Variants in OR9G1 observed in about 807,000 individuals in gnomAD.
OR9G1 encodes olfactory receptor family 9 subfamily G member 1.
A neutral mutation model predicts 14.5 loss-of-function variants in OR9G1; 21 were observed. The observed-to-expected ratio is 1.45, with a 90% confidence interval of 1.03 to 2.09. OR9G1 has a LOEUF of 2.09. Ranked by LOEUF, OR9G1 falls within the 30% of genes most tolerant of loss-of-function variation. The pLI is 0.00. For missense variants in OR9G1, 476 were observed against 364.2 expected, an observed-to-expected ratio of 1.31 and a Z score of -2.50; for synonymous variants, 179 against 153.3, an observed-to-expected ratio of 1.17 and a Z score of -1.24.
At chr11:56,699,218 A>T (rs1380620725) in intron 1 of OR9G1, 28 bp downstream of exon 1, 1 of 152,794 alleles carries the variant, frequency 6.5e-6, no homozygotes, top group Non-Finnish European at 1.5e-5. Context: ...CCAAGTAAAG[A>T]TTTTCCAGCA....
chr11:56,700,885 C>T lies in OR9G1; in HGVS notation c.498C>T (p.Asn166=), dbSNP rs779909168. 5.0e-6 allele frequency: 8 copies of T among 1,614,126 alleles called. No homozygotes were observed. The African/African-American group carries it at 6.7e-5, about 13-fold the overall frequency. ...TCACCAAGAAAACGTTTTCCTTTAA[C>T]TTCTGCCGTGAAAACATCATTGATG... is the stretch of plus-strand genomic sequence containing the variant. ...SIITKKTFSF[N]FCRENIIDDF... is the part of the protein sequence containing the mutation. Residue 166 remains asparagine (N), a synonymous_variant, in exon 2 of 2, where the codon AAC becomes AAT. Transcript: ENST00000642097.
In OR9G1 at chr11:56,702,412, A is replaced by G. The variant is rs1857657600; in HGVS notation, c.*1107A>G. 6.6e-6 allele frequency: 1 copy of G among 152,110 alleles called. No homozygotes were observed. Among genetic ancestry groups the G allele is most frequent in the South Asian group, 2.1e-4 (1 of 4,828 alleles). The allele number at this position is 152,110 out of a possible 1,614,324, so 9.4% of individuals were successfully genotyped here. A position where few individuals can be genotyped will look rare whatever the true frequency, so the allele number is the denominator to read the frequency against. On this transcript the variant is annotated 3_prime_UTR_variant, in exon 2 of 2. Transcript: ENST00000642097. The stretch of plus-strand genomic sequence containing the variant: ...TATCAATTCCTGTAAGCATCTACCC[A>G]GAAGTGGAATTGTTAGATCATATGG...
chr11:56,700,287 A>AGGT (rs879545271), intron 1 of OR9G1, 83 bp from the exon 2 acceptor site: 1 of 1,512,382 alleles, frequency 6.6e-7, no homozygotes, highest in Admixed American at 2.2e-5. Context: ...ACTTCACGAA[A>AGGT]CACTGCAAAT....
intron 1 of OR9G1, among the ~76,000 whole-genome samples, chr11:56,699,407 A>C (rs1300078485): frequency 1.3e-5 from 2 of 152,310 alleles, no homozygotes; most frequent in Non-Finnish European, 2.9e-5. Context: ...GTTTACTAAC[A>C]TTGATGTTTA....
chr11:56,703,344 T>A lies in OR9G1; in HGVS notation c.*2039T>A, dbSNP rs1857675841. 6.6e-6 allele frequency: 1 copy of A among 152,286 alleles called. No homozygotes were observed. The highest frequency in any genetic ancestry group is 6.5e-5 in the Admixed American group (1 of 15,288). 9.4% of individuals were successfully genotyped at this position (152,286 alleles called of 1,614,324 possible). On this transcript the variant is annotated 3_prime_UTR_variant, in exon 2 of 2. Transcript: ENST00000642097. ...AATCAATGCAAGTTGCAACACACAG[T>A]AACACAGCCGAAACAGAGTCCAACA...
At position 56,700,383 on chromosome 11, in the gene OR9G1, C is replaced by G. The variant is rs758077363; in HGVS notation, c.-5C>G. On this transcript the variant is annotated 5_prime_UTR_variant, in exon 2 of 2. Coordinates refer to ENST00000642097, the MANE Select transcript of OR9G1 (RefSeq NM_001005213.2). ...CTTTCCCCATAGGTGAGATTCCTTA[C>G]AGCCATGCAGAGGAGCAATCATACA... 39 of 1,614,056 alleles carry G rather than the reference C, an allele frequency of 2.4e-5. No homozygotes were observed. The South Asian group carries it at 4.3e-4, about 18-fold the overall frequency.
At position 56,701,250 on chromosome 11, in the gene OR9G1, T is replaced by C. The variant is rs1189122075; in HGVS notation, c.863T>C (p.Ile288Thr). The change falls in exon 2 of 2, where the codon ATC (isoleucine) becomes ACC (threonine). Residue 288 changes from isoleucine to threonine, a missense_variant. By Grantham distance (89) the Ile-to-Thr change is moderately conservative (BLOSUM62 -1). This residue lies in a region of OR9G1 where 352 missense variants were observed against 211.6 expected (regional missense o/e 1.66). Transcript: ENST00000642097. ...GTATTCCCCATGTTGAATCTCATGA[T>C]CTACAGCCTAAGGAATAAGGATGTG... is the stretch of plus-strand genomic sequence containing the variant. Reference protein sequence around the residue: ...TVVFPMLNLMIYSLRNKDVKE... With the variant: ...TVVFPMLNLMTYSLRNKDVKE... 1 of 1,614,052 alleles carries C rather than the reference T, an allele frequency of 6.2e-7. No homozygotes were observed. Among genetic ancestry groups the C allele is most frequent in the Non-Finnish European group, 8.5e-7 (1 of 1,180,022 alleles).
At chr11:56,700,286 AACACT>A in intron 1 of OR9G1, 79 bp from the exon 2 acceptor site, 8 of 1,514,234 alleles carry the variant, frequency 5.3e-6, no homozygotes, top group Non-Finnish European at 7.1e-6. Context: ...GACTTCACGA[AACACT>A]GCAAATGTGA....
At position 56,701,140 on chromosome 11, in the gene OR9G1, TG is replaced by T; in HGVS notation, c.755del (p.Gly252AlafsTer21). ...ACCTGACCTCTGTCACTTTATACTATGGCTCCATTCTCTACATCTACGCTCT... is the reference window on the plus strand; with the variant it reads ...ACCTGACCTCTGTCACTTTATACTATGCTCCATTCTCTACATCTACGCTCT... The part of the protein sequence containing the change: ...SHLTSVTLYY[G>X]SILYIYALPR... On this transcript the variant is annotated frameshift_variant, in exon 2 of 2. Transcript: ENST00000642097. LOFTEE classifies it high-confidence loss of function. The T allele has an allele frequency of 6.2e-7, 1 of 1,614,322 alleles. No individual in the cohort carries two copies. Among genetic ancestry groups the T allele is most frequent in the Non-Finnish European group, 8.5e-7 (1 of 1,180,062 alleles).
chr11:56,701,592 C>A lies in OR9G1; in HGVS notation c.*287C>A, dbSNP rs78272240. The stretch of plus-strand genomic sequence containing the variant: ...GTGAGGAACAGCCTACCTCATTAGC[C>A]TAAGATTTGGCTAACTGATACATAT... On this transcript the variant is annotated 3_prime_UTR_variant, in exon 2 of 2. Transcript: ENST00000642097. 8.1e-6 allele frequency: 2 copies of A among 247,406 alleles called. No homozygotes were observed. The highest frequency in any genetic ancestry group is 7.2e-5 in the Admixed American group (1 of 13,934). The allele number at this position is 247,406 out of a possible 1,614,324, so 15.3% of individuals were successfully genotyped here.
At position 56,701,304 on chromosome 11, in the gene OR9G1, A is replaced by G. The variant is rs1386351213; in HGVS notation, c.917A>G (p.Ter306=). 1 of 1,598,796 alleles carries G rather than the reference A, an allele frequency of 6.3e-7. No homozygotes were observed. The highest frequency in any genetic ancestry group is 1.3e-5 in the African/African-American group (1 of 74,242). The change falls in exon 2 of 2, where the codon TAA becomes TGA. Residue 306 remains the stop codon, a stop_retained_variant. Transcript: ENST00000642097. The part of the protein sequence containing the change: ...VKEALKKLLP[*] ...GAGGCTCTGAAAAAACTTCTCCCAT[A>G]AATCAAGATTATCTCCACCAGAGGA...
In OR9G1 at chr11:56,700,753, C is replaced by A; in HGVS notation, c.366C>A (p.Tyr122Ter). The A allele has an allele frequency of 6.2e-7, 1 of 1,614,306 alleles. No individual in the cohort carries two copies. Among genetic ancestry groups the A allele is most frequent in the South Asian group, 1.1e-5 (1 of 91,090 alleles). Reference protein sequence around the residue: ...YLLAAVAYDRYVAISKPLLYA... With the variant: ...YLLAAVAYDR ...TGGCTGCCGTGGCTTATGACCGCTA[C>A]GTGGCCATCTCCAAGCCCCTGCTTT... The change falls in exon 2 of 2, where the codon TAC becomes TAA. Residue 122 changes from tyrosine (Y) to a stop codon, truncating the protein, a stop_gained. Transcript: ENST00000642097. LOFTEE classifies it high-confidence loss of function.
At position 56,700,778 on chromosome 11, in the gene OR9G1, T is replaced by C. The variant is rs1857609447; in HGVS notation, c.391T>C (p.Tyr131His). ...RYVAISKPLLYAQAMSIKLCA... is the reference protein window; with the variant it reads ...RYVAISKPLLHAQAMSIKLCA... ...CGTGGCCATCTCCAAGCCCCTGCTT[T>C]ATGCCCAGGCCATGTCCATAAAGCT... Residue 131 changes from tyrosine to histidine, a missense_variant, in exon 2 of 2, where the codon TAT becomes CAT. This residue lies in a region of OR9G1 where 352 missense variants were observed against 211.6 expected (regional missense o/e 1.66). Coordinates refer to ENST00000642097, the MANE Select transcript of OR9G1 (RefSeq NM_001005213.2). 6.2e-7 allele frequency: 1 copy of C among 1,614,320 alleles called. No individual in the cohort carries two copies. Among genetic ancestry groups the C allele is most frequent in the Non-Finnish European group, 8.5e-7 (1 of 1,180,060 alleles).
At position 56,700,494 on chromosome 11, in the gene OR9G1, T is replaced by A. The variant is rs955338379; in HGVS notation, c.107T>A (p.Leu36His). 1 of 1,614,320 alleles carries A rather than the reference T, an allele frequency of 6.2e-7. No individual in the cohort carries two copies. Among genetic ancestry groups the A allele is most frequent in the Non-Finnish European group, 8.5e-7 (1 of 1,180,060 alleles). Residue 36 changes from leucine to histidine, a missense_variant, in exon 2 of 2, where the codon CTC becomes CAC. Leu to His is a moderately conservative substitution (Grantham distance 99). This residue lies in a region of OR9G1 where 89 missense variants were observed against 85.1 expected (regional missense o/e 1.05). Coordinates refer to ENST00000642097, the MANE Select transcript of OR9G1 (RefSeq NM_001005213.2). ...LFVVFLGVYSLTVVGNSTLIV... is the reference protein window; with the variant it reads ...LFVVFLGVYSHTVVGNSTLIV... ...GTGGTGTTCCTGGGCGTGTACTCTCTCACTGTGGTAGGAAATAGCACCCTC... is the reference window on the plus strand; with the variant it reads ...GTGGTGTTCCTGGGCGTGTACTCTCACACTGTGGTAGGAAATAGCACCCTC...
Position 56,700,564 on chromosome 11 carries a change from T to C in OR9G1, c.177T>C (p.Tyr59=), listed in dbSNP as rs1421118603. 6.2e-7 allele frequency: 1 copy of C among 1,614,250 alleles called. No homozygotes were observed. Among genetic ancestry groups the C allele is most frequent in the East Asian group, 2.2e-5 (1 of 44,896 alleles). ...ACTCCTGCCTCCACACACCCATGTA[T>C]TTTTTCACTGGAAATCTGTCGTTTC... ...CNDSCLHTPM[Y]FFTGNLSFLD... Residue 59 remains tyrosine (Y), a synonymous_variant, in exon 2 of 2, where the codon TAT becomes TAC. Transcript: ENST00000642097.
Position 56,700,833 on chromosome 11 carries a change from GT to G in OR9G1, c.447del (p.Cys149TrpfsTer49). On this transcript the variant is annotated frameshift_variant, in exon 2 of 2. Coordinates refer to ENST00000642097, the MANE Select transcript of OR9G1 (RefSeq NM_001005213.2). LOFTEE classifies it high-confidence loss of function. ...LCALLVAVSY[C>X]GGFINSSIIT... ...GCATTGCTGGTAGCAGTCTCATATT[GT>G]GGTGGCTTTATTAACTCTTCAATCA... 1 of 1,614,318 alleles carries G rather than the reference GT, an allele frequency of 6.2e-7. No homozygotes were observed. The highest frequency in any genetic ancestry group is 8.5e-7 in the Non-Finnish European group (1 of 1,180,062).
rs187067986 is a variant in OR9G1 at position 56,703,048 on chromosome 11, T to A, written c.*1743T>A. On this transcript the variant is annotated 3_prime_UTR_variant, in exon 2 of 2. Transcript: ENST00000642097. ...CATATATAAAATTATGGTTTATCAATATGAATAAAATTTAAAAAACAAAAA... is the reference window on the plus strand; with the variant it reads ...CATATATAAAATTATGGTTTATCAAAATGAATAAAATTTAAAAAACAAAAA... 6.6e-5 allele frequency: 10 copies of A among 152,428 alleles called. No individual in the cohort carries two copies. In the East Asian group the frequency reaches 1.9e-3, roughly 29 times the overall value. 9.4% of individuals were successfully genotyped at this position (152,428 alleles called of 1,614,324 possible). A position where few individuals can be genotyped will look rare whatever the true frequency, so the allele number is the denominator to read the frequency against.
chr11:56,700,226 T>TG (rs1857587375), intron 1 of OR9G1, 144 bp from the exon 2 acceptor site: 1 of 1,030 alleles, frequency 9.7e-4, no homozygotes, highest in South Asian at 0.026. Context: ...AAAGCCTGAT[T>TG]GTTGCAAAAT....
Position 56,701,296 on chromosome 11 carries a change from T to G in OR9G1, c.909T>G (p.Leu303=). Residue 303 remains leucine, a synonymous_variant, in exon 2 of 2, where the codon CTT becomes CTG. Coordinates refer to ENST00000642097, the MANE Select transcript of OR9G1 (RefSeq NM_001005213.2). ...NKDVKEALKK[L]LP ...ATGTGAAAGAGGCTCTGAAAAAACT[T>G]CTCCCATAAATCAAGATTATCTCCA... 1 of 1,602,946 alleles carries G rather than the reference T, an allele frequency of 6.2e-7. No individual in the cohort carries two copies. The highest frequency in any genetic ancestry group is 8.5e-7 in the Non-Finnish European group (1 of 1,176,638).
Sources: allele counts gnomAD v4.1 joint callset (sites outside exome capture counted in the v4.1 genomes callset), GRCh38; gene constraint gnomAD v4.1.1; regional missense constraint gnomAD v4.1.1; transcripts MANE v1.5; gene names NCBI Gene and HGNC (gene_info 2026-07-23, HGNC 2026-07-21).